SNTG1: variants seen among roughly 807,000 people sequenced by gnomAD.
SNTG1 encodes syntrophin gamma 1.
In SNTG1, 39 loss-of-function variants were observed where a neutral mutation model predicts 74.7. That is an observed-to-expected ratio of 0.52 (90% CI 0.40 to 0.68). The LOEUF is 0.68. SNTG1 is among the 30% of genes least tolerant of loss of function. SNTG1 has a pLI of 0.00. For synonymous variants in SNTG1, 254 were observed against 217.1 expected, an observed-to-expected ratio of 1.17 and a Z score of -1.49; for missense variants, 685 against 609.5, an observed-to-expected ratio of 1.12 and a Z score of -1.30.
At chr8:50,247,565 G>T (rs2086455369) in intron 2 of SNTG1, among the ~76,000 whole-genome samples, 1 of 152,132 alleles carries the variant, frequency 6.6e-6, no homozygotes, top group Non-Finnish European at 1.5e-5. Context: ...CAGTATAGTG[G>T]CATGATCATA....
Position 50,602,899 on chromosome 8 carries a change from ATT to A in SNTG1, c.849+11998_849+11999del, listed in dbSNP as rs60612544. ...ATGTATTGGAGCTCCACTGTAAGGT[ATT>A]TTTTTTTTTTTTTTTCAGTTCTCTT... is the stretch of plus-strand genomic sequence containing the variant. On this transcript the variant is annotated intron_variant, in intron 13 of 18. Transcript: ENST00000642720. 3.7e-3 allele frequency among the ~76,000 whole-genome samples: 413 copies of A among 112,670 alleles called. 4 individuals are homozygous for A. Among genetic ancestry groups the A allele is most frequent in the African/African-American group, 0.012 (385 of 31,902 alleles). 73.9% of individuals were successfully genotyped at this position (112,670 alleles called of 152,430 possible).
chr8:50,343,532 C>G (rs981813443), intron 2 of SNTG1, among the ~76,000 whole-genome samples: 1 of 151,960 alleles, frequency 6.6e-6, no homozygotes, highest in Non-Finnish European at 1.5e-5. Context: ...CAAAGCCAAG[C>G]AAATCAATCT....
At chr8:50,686,692 G>A (rs946065704) in intron 15 of SNTG1, among the ~76,000 whole-genome samples, 1 of 151,678 alleles carries the variant, frequency 6.6e-6, no homozygotes, top group African/African-American at 2.4e-5. Context: ...TTTTTCAGTG[G>A]TTGAAAATGT....
At chr8:50,394,849 T>TTC (rs2092707298) in intron 3 of SNTG1, among the ~76,000 whole-genome samples, 1 of 150,022 alleles carries the variant, frequency 6.7e-6, no homozygotes, top group African/African-American at 2.4e-5. Context: ...AAACTAACTT[T>TTC]TTTTTTTTTT....
At chr8:50,617,382 A>T (rs1215680300) in intron 13 of SNTG1, among the ~76,000 whole-genome samples, 2 of 106,326 alleles carry the variant, frequency 1.9e-5, no homozygotes, top group East Asian at 2.9e-4. Context: ...AGCATTTCAC[A>T]CACACACACA....
intron 18 of SNTG1, among the ~76,000 whole-genome samples, chr8:50,788,633 CA>C (rs2095682601): frequency 6.6e-6 from 1 of 151,854 alleles, no homozygotes; most frequent in African/African-American, 2.4e-5. Flanking sequence ...TTTTAAGGAG[CA>C]AGCAGAATGA....
chr8:50,714,304 G>A (rs2095469982), intron 17 of SNTG1, among the ~76,000 whole-genome samples: 1 of 151,892 alleles, frequency 6.6e-6, no homozygotes, highest in Admixed American at 6.6e-5. Flanking sequence ...GGTTAGGATT[G>A]TCTTGGCTAT....
intron 9 of SNTG1, among the ~76,000 whole-genome samples, chr8:50,515,387 GTTTTTTTTTTTTTT>G (rs34086906): frequency 1.2e-5 from 1 of 80,384 alleles, no homozygotes; most frequent in Non-Finnish European, 2.3e-5. Context: ...AGCTGCAGGA[GTTTTTTTTTTTTTT>G]TTTTTTTTTT....
At position 50,704,785 on chromosome 8, in the gene SNTG1, T is replaced by A. The variant is rs769136528; in HGVS notation, c.1191+33T>A. The A allele has an allele frequency of 1.3e-5, 21 of 1,611,174 alleles. No individual in the cohort carries two copies. In the East Asian group the frequency reaches 4.5e-4, roughly 34 times the overall value. Reference sequence around the variant, plus strand: ...TCTGTGGGACTGCAGGATGTGTGGCTCCCTCAGATGCATGACCACTTCCCT... The same window carrying A: ...TCTGTGGGACTGCAGGATGTGTGGCACCCTCAGATGCATGACCACTTCCCT... On this transcript the variant is annotated intron_variant, in intron 16 of 18. Transcript: ENST00000642720.
chr8:50,560,683 A>T (rs545200813), intron 12 of SNTG1, among the ~76,000 whole-genome samples: 2 of 152,132 alleles, frequency 1.3e-5, no homozygotes, highest in Non-Finnish European at 2.9e-5. Flanking sequence ...ACACGTGGAC[A>T]CATCGGGGGA....
At chr8:50,231,143 A>G (rs2085602538) in intron 2 of SNTG1, among the ~76,000 whole-genome samples, 1 of 151,436 alleles carries the variant, frequency 6.6e-6, no homozygotes, top group South Asian at 2.1e-4. Context: ...ATTCAACATC[A>G]CTAACCACTG....
Position 50,449,636 on chromosome 8 carries a change from A to G in SNTG1, c.220-32A>G, listed in dbSNP as rs556187572. 12 of 1,526,860 alleles carry G rather than the reference A, an allele frequency of 7.9e-6. No individual in the cohort carries two copies. The Admixed American group carries it at 1.9e-4, about 25-fold the overall frequency. 94.6% of individuals were successfully genotyped at this position (1,526,860 alleles called of 1,614,324 possible). A position where few individuals can be genotyped will look rare whatever the true frequency, so the allele number is the denominator to read the frequency against. On this transcript the variant is annotated intron_variant, in intron 5 of 18. Coordinates refer to ENST00000642720, the MANE Select transcript of SNTG1 (RefSeq NM_018967.5). ...CTAAAAGCAGCATTTTTTTTAGATT[A>G]AAAAGTACAATATATGATTTTCTCT...
At chr8:50,743,267 A>G (rs113766023) in intron 17 of SNTG1, among the ~76,000 whole-genome samples, 3,920 of 151,986 alleles carry the variant, frequency 0.026, 171 homozygotes, top group African/African-American at 0.09. Context: ...AATACTAGCA[A>G]ACAGAACTCA....
At chr8:50,321,862 C>G (rs1031836073) in intron 2 of SNTG1, among the ~76,000 whole-genome samples, 1 of 151,994 alleles carries the variant, frequency 6.6e-6, no homozygotes, top group African/African-American at 2.4e-5. Context: ...TTTGTTGTTT[C>G]TATTTACATC....
chr8:50,481,236 C>T (rs1212559287), intron 8 of SNTG1, among the ~76,000 whole-genome samples: 1 of 152,056 alleles, frequency 6.6e-6, no homozygotes, highest in Non-Finnish European at 1.5e-5. Flanking sequence ...CAAAAATTAG[C>T]CGGGTATGGT....
At chr8:50,742,151 C>A (rs1363710663) in intron 17 of SNTG1, among the ~76,000 whole-genome samples, 1 of 151,816 alleles carries the variant, frequency 6.6e-6, no homozygotes, top group Non-Finnish European at 1.5e-5. Context: ...AAAAATCATA[C>A]ACACACAAAA....
intron 1 of SNTG1, among the ~76,000 whole-genome samples, chr8:49,941,019 C>T (rs374901438): frequency 9.2e-5 from 14 of 152,132 alleles, no homozygotes; most frequent in Non-Finnish European, 1.9e-4. Flanking sequence ...GAGATGGGAA[C>T]GTGGACTGGA....
chr8:50,696,612 A>G lies in SNTG1; in HGVS notation c.1039-7988A>G, dbSNP rs1344953114. Among the ~76,000 whole-genome samples the G allele has an allele frequency of 3.3e-5, 5 of 152,096 alleles. No individual in the cohort carries two copies. The East Asian group carries it at 9.7e-4, about 29-fold the overall frequency. ...TTAATTCATCTTGAGTTAATTTTTT[A>G]TATGGTGATTGATAGGAGTCTGGTT... On this transcript the variant is annotated intron_variant, in intron 15 of 18. Transcript: ENST00000642720.
chr8:50,746,125 G>A (rs1388797677), intron 17 of SNTG1, among the ~76,000 whole-genome samples: 1 of 151,774 alleles, frequency 6.6e-6, no homozygotes, highest in African/African-American at 2.4e-5. Context: ...TAGAAAATAA[G>A]GAATTATAGA....
Sources: allele counts gnomAD v4.1 joint callset (sites outside exome capture counted in the v4.1 genomes callset), GRCh38; gene constraint gnomAD v4.1.1; transcripts MANE v1.5; gene names NCBI Gene and HGNC (gene_info 2026-07-23, HGNC 2026-07-21).